Variants in CSMD1 observed in about 807,000 individuals in gnomAD.
CSMD1 encodes CUB and sushi domain-containing protein 1.
Under a neutral mutation model 417.5 loss-of-function variants are expected in CSMD1, and 213 were observed. That is an observed-to-expected ratio of 0.51 (90% confidence interval 0.46 to 0.57). The LOEUF (loss-of-function observed/expected upper bound fraction) is 0.57, where lower values mean the gene tolerates loss of function less well. CSMD1 is among the 20% of genes least tolerant of loss of function. The pLI, the probability that CSMD1 is intolerant of heterozygous loss-of-function variation, is 0.00. For missense variants in CSMD1, 6,923 were observed against 4,529.7 expected, an observed-to-expected ratio of 1.53 and a Z score of -15.17; for synonymous variants, 2,862 against 1,736.8, an observed-to-expected ratio of 1.65 and a Z score of -16.11.
chr8:3,505,186 A>G (rs1489973622), intron 10 of CSMD1, among the ~76,000 whole-genome samples: 1 of 152,196 alleles, frequency 6.6e-6, no homozygotes, highest in Non-Finnish European at 1.5e-5. Flanking sequence ...GTATTAAAAA[A>G]TGAGAGACTG....
At chr8:4,305,973 G>C (rs183272985) in intron 3 of CSMD1, among the ~76,000 whole-genome samples, 1 of 152,254 alleles carries the variant, frequency 6.6e-6, no homozygotes, top group Admixed American at 6.5e-5. Flanking sequence ...CTGATACATA[G>C]TGTGCCCAGA....
rs565261629 is a variant in CSMD1, at chr8:4,942,427, A to G, written c.85+51905T>C. 2.5e-4 allele frequency among the ~76,000 whole-genome samples: 38 copies of G among 152,312 alleles called. 3 individuals are homozygous for G. In the South Asian group the frequency reaches 7.3e-3, roughly 29 times the overall value. ...GTACTGGAGGAATTCACAGTTATCT[A>G]CATCATGCCCAACCAACCATCATGA... On this transcript the variant is annotated intron_variant, in intron 1 of 69. Coordinates refer to ENST00000635120, the MANE Select transcript of CSMD1 (RefSeq NM_033225.6).
In CSMD1 at chr8:3,387,629, G is replaced by T. The variant is rs1261157453; in HGVS notation, c.2647C>A (p.His883Asn). 1 of 1,600,806 alleles carries T rather than the reference G, an allele frequency of 6.2e-7. No individual in the cohort carries two copies. Among genetic ancestry groups the T allele is most frequent in the East Asian group, 2.3e-5 (1 of 44,198 alleles). The part of the protein sequence containing the change: ...CLDPGIPVNG[H>N]RHGGDFGIRS... ...ATGCCAAAGTCTCCACCGTGGCGAT[G>T]GCCGTTCACAGGGATGCCCGGGTCC... Residue 883 changes from histidine (H) to asparagine (N), a missense_variant, in exon 18 of 70, where the codon CAT becomes AAT. Physicochemically the swap from His to Asn is moderately conservative, Grantham distance 68. Transcript: ENST00000635120.
chr8:3,806,569 G>C (rs1800755322), intron 5 of CSMD1, among the ~76,000 whole-genome samples: 1 of 152,154 alleles, frequency 6.6e-6, no homozygotes, highest in South Asian at 2.1e-4. Context: ...TCATAGAAAT[G>C]TAAACTCCTG....
At chr8:4,420,170 T>C (rs763660195) in intron 2 of CSMD1, 105 bp from the exon 3 acceptor site, 2 of 682,532 alleles carry the variant, frequency 2.9e-6, no homozygotes, top group Non-Finnish European at 5.1e-6. Context: ...TATATTCACT[T>C]GAAATATGGC....
At chr8:3,294,108 C>T (rs183223130) in intron 25 of CSMD1, among the ~76,000 whole-genome samples, 221 of 152,294 alleles carry the variant, frequency 1.5e-3, no homozygotes, top group African/African-American at 5.0e-3. Flanking sequence ...CCCTGTTTGC[C>T]TGGGTATCAG....
chr8:3,478,050 A>T (rs1817528878), intron 11 of CSMD1, among the ~76,000 whole-genome samples: 1 of 152,192 alleles, frequency 6.6e-6, no homozygotes, highest in Admixed American at 6.5e-5. Context: ...TCATTTCCCC[A>T]CTGGCATCAA....
chr8:3,227,739 C>G (rs1214741827), intron 27 of CSMD1, among the ~76,000 whole-genome samples: 1 of 151,244 alleles, frequency 6.6e-6, no homozygotes. Context: ...ACGAAACAGT[C>G]AAGCAGGATG....
intron 6 of CSMD1, among the ~76,000 whole-genome samples, chr8:3,743,426 G>T (rs773297238): frequency 2.0e-5 from 3 of 152,206 alleles, no homozygotes; most frequent in Non-Finnish European, 2.9e-5. Flanking sequence ...GATGGTGTTA[G>T]AAAATAATAA....
chr8:3,027,124 TG>T (rs1436491871), intron 51 of CSMD1, among the ~76,000 whole-genome samples: 1 of 152,128 alleles, frequency 6.6e-6, no homozygotes, highest in Admixed American at 6.5e-5. Flanking sequence ...TTTTTTTAAA[TG>T]TTTAAAATAT....
intron 2 of CSMD1, among the ~76,000 whole-genome samples, chr8:4,541,272 C>A (rs1797371806): frequency 6.6e-6 from 1 of 152,152 alleles, no homozygotes; most frequent in African/African-American, 2.4e-5. Flanking sequence ...TCTCTCATCC[C>A]CAGGATCTAC....
chr8:3,868,417 G>C (rs1185206358), intron 5 of CSMD1, among the ~76,000 whole-genome samples: 1 of 152,056 alleles, frequency 6.6e-6, no homozygotes, highest in Non-Finnish European at 1.5e-5. Context: ...CCACACAAGG[G>C]CAGCTGGGGG....
In CSMD1 at chr8:3,369,248, T is replaced by A. The variant is rs372319059; in HGVS notation, c.2899+6A>T. ...TGTATGTTTGAGACCTATGATAGAT[T>A]CTTACCTTTCCCATGAGACACTTCA... On this transcript the variant is annotated splice_donor_region_variant and intron_variant, in intron 19 of 69. Transcript: ENST00000635120. The A allele has an allele frequency of 4.3e-6, 6 of 1,401,884 alleles. No individual in the cohort carries two copies. The highest frequency in any genetic ancestry group is 1.2e-5 in the South Asian group (1 of 85,026). 86.8% of individuals were successfully genotyped at this position (1,401,884 alleles called of 1,614,324 possible).
chr8:3,803,319 G>T (rs546283395), intron 5 of CSMD1, among the ~76,000 whole-genome samples: 1 of 152,258 alleles, frequency 6.6e-6, no homozygotes, highest in Admixed American at 6.5e-5. Context: ...GGGAGATACT[G>T]CTATACACAA....
chr8:4,763,009 C>T (rs920094432), intron 1 of CSMD1, among the ~76,000 whole-genome samples: 3 of 152,140 alleles, frequency 2.0e-5, no homozygotes, highest in Non-Finnish European at 4.4e-5. Flanking sequence ...TCTGCAAAGA[C>T]AGACTGTGAG....
chr8:4,290,883 A>C (rs370867982), intron 3 of CSMD1, among the ~76,000 whole-genome samples: 3 of 152,302 alleles, frequency 2.0e-5, no homozygotes, highest in East Asian at 3.9e-4. Flanking sequence ...CATCCTTTAC[A>C]ATGTCAGCTC....
intron 3 of CSMD1, among the ~76,000 whole-genome samples, chr8:4,168,250 T>C (rs769160003): frequency 3.2e-4 from 48 of 150,800 alleles, no homozygotes; most frequent in African/African-American, 1.1e-3. Context: ...AAAAAATTAG[T>C]TGACATGGTA....
At chr8:4,389,684 T>C (rs952700922) in intron 3 of CSMD1, among the ~76,000 whole-genome samples, 1 of 152,116 alleles carries the variant, frequency 6.6e-6, no homozygotes, top group East Asian at 1.9e-4. Flanking sequence ...TAATTTGGGG[T>C]AAACACATTC....
chr8:3,702,121 A>T (rs910564862), intron 7 of CSMD1: 1 of 152,188 alleles, frequency 6.6e-6, no homozygotes, highest in Admixed American at 6.5e-5. Context: ...CAGGGGCATA[A>T]AGGCAATGCA....
Sources: gnomAD v4.1 joint callset for allele counts (sites outside exome capture counted in the v4.1 genomes callset) on GRCh38, gnomAD v4.1.1 for gene constraint, MANE v1.5 for transcripts, NCBI Gene and HGNC (gene_info 2026-07-23, HGNC 2026-07-21) for gene names.